Variants in NCOA2 observed in about 807,000 individuals in gnomAD.
NCOA2 encodes the protein class E basic helix-loop-helix protein 75.
In NCOA2, 21 loss-of-function variants were observed where a neutral mutation model predicts 145.1. That is an observed-to-expected ratio of 0.14 (90% CI 0.10 to 0.21). NCOA2 has a LOEUF of 0.21. Ranked by LOEUF, NCOA2 falls within the 10% of genes least tolerant of loss-of-function variation. The pLI, the probability that NCOA2 is intolerant of heterozygous loss-of-function variation, is 1.00. For missense variants in NCOA2, 1,472 were observed against 1,837.6 expected (o/e 0.80, Z 3.64); for synonymous variants, 619 against 637.5 (o/e 0.97, Z 0.44).
At chr8:70,306,806 G>C (rs1268178421) in intron 1 of NCOA2, among the ~76,000 whole-genome samples, 1 of 152,206 alleles carries the variant, frequency 6.6e-6, no homozygotes, top group East Asian at 1.9e-4. Context: ...TTGAGCCTGG[G>C]AGGTTGAAGC....
At chr8:70,169,952 T>C (rs1814049216) in intron 6 of NCOA2, among the ~76,000 whole-genome samples, 1 of 151,934 alleles carries the variant, frequency 6.6e-6, no homozygotes, top group African/African-American at 2.4e-5. Context: ...TAAGAAGCAA[T>C]GATTTTCACG....
the NCOA2 span, among the ~76,000 whole-genome samples, chr8:70,443,856 A>G: frequency 6.6e-6 from 1 of 152,314 alleles, no homozygotes; most frequent in Admixed American, 6.5e-5. Context: ...ATTACCGGCT[A>G]TAATATTATA....
intron 1 of NCOA2, among the ~76,000 whole-genome samples, chr8:70,381,693 T>C (rs971309215): frequency 5.9e-5 from 9 of 152,202 alleles, no homozygotes; most frequent in African/African-American, 2.2e-4. Context: ...AAACCTGAGA[T>C]AATGAAGTAT....
At chr8:70,266,328 T>G (rs901619730) in intron 2 of NCOA2, among the ~76,000 whole-genome samples, 3 of 152,182 alleles carry the variant, frequency 2.0e-5, no homozygotes, top group Non-Finnish European at 2.9e-5. Flanking sequence ...ATGCCCAGCT[T>G]CAAGGGCAAA....
intron 1 of NCOA2, among the ~76,000 whole-genome samples, chr8:70,360,929 G>A (rs1036632017): frequency 2.7e-5 from 4 of 145,922 alleles, no homozygotes; most frequent in South Asian, 2.2e-4. Flanking sequence ...CAGAGTGAGT[G>A]GAGATTCCAG....
At chr8:70,222,493 C>T (rs1052849420) in intron 2 of NCOA2, among the ~76,000 whole-genome samples, 2 of 152,142 alleles carry the variant, frequency 1.3e-5, no homozygotes, top group Admixed American at 6.5e-5. Flanking sequence ...CTCTCAGTAT[C>T]GTCTGCTCTT....
intron 1 of NCOA2, among the ~76,000 whole-genome samples, chr8:70,328,342 C>A (rs551212498): frequency 6.6e-6 from 1 of 152,282 alleles, no homozygotes; most frequent in South Asian, 2.1e-4. Context: ...TTCCTCAGTT[C>A]TTCTACAAGA....
intron 2 of NCOA2, among the ~76,000 whole-genome samples, chr8:70,220,992 C>G (rs1437362872): frequency 6.6e-6 from 1 of 152,122 alleles, no homozygotes; most frequent in Admixed American, 6.5e-5. Context: ...CTGAAATTCC[C>G]CAAGTTAGAA....
chr8:70,304,018 T>C (rs1467382621), intron 1 of NCOA2, among the ~76,000 whole-genome samples: 1 of 152,156 alleles, frequency 6.6e-6, no homozygotes, highest in African/African-American at 2.4e-5. Flanking sequence ...ATTCATCTTC[T>C]CCTTAGCTTT....
intron 9 of NCOA2, among the ~76,000 whole-genome samples, chr8:70,160,670 A>AGAGAGAGAGAGG (rs1273201559): frequency 6.8e-6 from 1 of 146,424 alleles, no homozygotes; most frequent in Non-Finnish European, 1.5e-5. Flanking sequence ...AGAGAGAGAG[A>AGAGAGAGAGAGG]GAGAGAGAGA....
the NCOA2 span, among the ~76,000 whole-genome samples, chr8:70,430,112 C>T: frequency 1.3e-5 from 2 of 152,074 alleles, no homozygotes; most frequent in African/African-American, 2.4e-5. Context: ...CTCGGGTTCC[C>T]AAAGTGCTAG....
intron 1 of NCOA2, among the ~76,000 whole-genome samples, chr8:70,321,916 G>A (rs1249859072): frequency 1.3e-5 from 2 of 150,142 alleles, no homozygotes. Context: ...ATCACCTGAG[G>A]TCAGGAGTTC....
At chr8:70,411,659 C>A in the NCOA2 span, among the ~76,000 whole-genome samples, 1 of 152,132 alleles carries the variant, frequency 6.6e-6, no homozygotes, top group African/African-American at 2.4e-5. Flanking sequence ...TGAAAATGAA[C>A]AAACTATAGC....
At chr8:70,166,962 A>G (rs1376979278) in intron 6 of NCOA2, among the ~76,000 whole-genome samples, 2 of 151,130 alleles carry the variant, frequency 1.3e-5, no homozygotes, top group African/African-American at 4.9e-5. Flanking sequence ...CTTTTTTCCA[A>G]TTTTTTTTTC....
intron 1 of NCOA2, among the ~76,000 whole-genome samples, chr8:70,357,984 G>A (rs1386959504): frequency 1.3e-5 from 2 of 152,070 alleles, no homozygotes; most frequent in African/African-American, 4.8e-5. Context: ...CTGGGAGGCG[G>A]AGGATGCAGT....
rs1281163870 is a variant in NCOA2, at chr8:70,131,883, A to G, written c.3278T>C (p.Leu1093Pro). 6.2e-7 allele frequency: 1 copy of G among 1,602,822 alleles called. No homozygotes were observed. Among genetic ancestry groups the G allele is most frequent in the African/African-American group, 1.3e-5 (1 of 74,806 alleles). The change falls in exon 16 of 23, where the codon CTG becomes CCG. Residue 1093 changes from leucine to proline, a missense_variant. This residue lies in a region of NCOA2 where 953 missense variants were observed against 1,062.1 expected (regional missense o/e 0.90). Transcript: ENST00000452400. ...TCCTAAGGCTCTATCAATCTCCTCCAGGCCATCAAAATTCCGCAAGGCCAG... is the reference window on the plus strand; with the variant it reads ...TCCTAAGGCTCTATCAATCTCCTCCGGGCCATCAAAATTCCGCAAGGCCAG... Reference protein sequence around the residue: ...LYLALRNFDGLEEIDRALGIP... With the variant: ...LYLALRNFDGPEEIDRALGIP...
the NCOA2 span, among the ~76,000 whole-genome samples, chr8:70,435,423 T>TAAAAAAAA: frequency 5.4e-5 from 1 of 18,510 alleles, no homozygotes; most frequent in Non-Finnish European, 8.0e-5. Flanking sequence ...AGACTCCGTC[T>TAAAAAAAA]CAAAAAAAAA....
chr8:70,312,230 T>G lies in NCOA2; in HGVS notation c.-76-15430A>C, dbSNP rs73288524. ...TGTTTATTTTTAAATGAATATACTG[T>G]TTCTTTAAATCCAATGTCATAGTCT... is the stretch of plus-strand genomic sequence containing the variant. On this transcript the variant is annotated intron_variant, in intron 1 of 22. Transcript: ENST00000452400. Among the ~76,000 whole-genome samples, 514 of 152,330 alleles carry G rather than the reference T, an allele frequency of 3.4e-3. 5 individuals carry two copies. Among genetic ancestry groups the G allele is most frequent in the African/African-American group, 0.012 (493 of 41,578 alleles).
intron 1 of NCOA2, chr8:70,402,164 G>C (rs1436298166): frequency 6.6e-6 from 1 of 152,440 alleles, no homozygotes; most frequent in African/African-American, 2.4e-5. Context: ...TTGGCTCACC[G>C]ACACCCGGCA....
Sources: allele counts gnomAD v4.1 joint callset (sites outside exome capture counted in the v4.1 genomes callset), GRCh38; gene constraint gnomAD v4.1.1; regional missense constraint gnomAD v4.1.1; transcripts MANE v1.5; gene names NCBI Gene and HGNC (gene_info 2026-07-23, HGNC 2026-07-21).